The following PLEKHH2 variants were observed in gnomAD, a reference collection of about 807,000 sequenced individuals.
PLEKHH2 encodes the protein pleckstrin homology domain-containing family H member 2.
Under a neutral mutation model 187.9 loss-of-function variants are expected in PLEKHH2, and 129 were observed. That is an observed-to-expected ratio of 0.69 (90% CI 0.59 to 0.79). The LOEUF (loss-of-function observed/expected upper bound fraction) is 0.79. Among genes scored for constraint, PLEKHH2 ranks in the 30% least tolerant of loss-of-function variants. PLEKHH2 has a pLI of 0.00. For synonymous variants in PLEKHH2, 686 were observed against 605.6 expected (o/e 1.13, Z -1.95); for missense variants, 2,076 against 1,751.2 (o/e 1.19, Z -3.31).
At chr2:43,680,690 A>G (rs1668127237) in intron 3 of PLEKHH2, 2 of 393,154 alleles carry the variant, frequency 5.1e-6, no homozygotes, top group African/African-American at 4.3e-5. Flanking sequence ...TCAAAATTGA[A>G]GTCAAGTAAG....
intron 4 of PLEKHH2, 137 bp from the exon 5 acceptor site, chr2:43,694,294 C>T: frequency 9.8e-7 from 1 of 1,015,516 alleles, no homozygotes. Context: ...CTTTTAAAAA[C>T]CTATTTGGTA....
At chr2:43,670,037 G>A (rs573874144) in intron 2 of PLEKHH2, among the ~76,000 whole-genome samples, 4 of 152,230 alleles carry the variant, frequency 2.6e-5, no homozygotes, top group African/African-American at 7.2e-5. Context: ...ATAGTGGATC[G>A]TGTGGCTGAG....
intron 15 of PLEKHH2, among the ~76,000 whole-genome samples, chr2:43,713,611 C>A: frequency 6.7e-6 from 1 of 149,806 alleles, no homozygotes. Context: ...GGAAATATAC[C>A]AAAGTATATT....
At chr2:43,651,222 G>T (rs1243581893) in intron 2 of PLEKHH2, among the ~76,000 whole-genome samples, 1 of 151,488 alleles carries the variant, frequency 6.6e-6, no homozygotes, top group Non-Finnish European at 1.5e-5. Context: ...TATTCATTAT[G>T]CCTGCCTCAA....
At chr2:43,704,316 T>TG (rs938742588) in intron 9 of PLEKHH2, among the ~76,000 whole-genome samples, 3 of 152,170 alleles carry the variant, frequency 2.0e-5, no homozygotes, top group Non-Finnish European at 2.9e-5. Flanking sequence ...TCTAGAGGTC[T>TG]GTTTTACAAC....
At chr2:43,657,262 C>T (rs1015914721) in intron 2 of PLEKHH2, among the ~76,000 whole-genome samples, 3 of 152,112 alleles carry the variant, frequency 2.0e-5, no homozygotes, top group Non-Finnish European at 4.4e-5. Flanking sequence ...CTCCTGGCCT[C>T]CCATCTCAGC....
At chr2:43,752,439 C>T (rs941913322) in intron 24 of PLEKHH2, among the ~76,000 whole-genome samples, 2 of 152,112 alleles carry the variant, frequency 1.3e-5, no homozygotes, top group African/African-American at 4.8e-5. Flanking sequence ...AGTATACCCA[C>T]CCATGCTTGC....
chr2:43,765,529 A>G lies in PLEKHH2; in HGVS notation c.4413A>G (p.Gln1471=), dbSNP rs755581027. ...ALLSAQTRGP[Q]ARMMGSQPLL... is the part of the protein sequence containing the mutation. Reference sequence around the variant, plus strand: ...TCTCAGCCCAGACCCGGGGACCCCAAGCCAGAATGATGGGAAGCCAGCCTC... The same window carrying G: ...TCTCAGCCCAGACCCGGGGACCCCAGGCCAGAATGATGGGAAGCCAGCCTC... The change falls in exon 30 of 30, where the codon CAA becomes CAG. Residue 1471 remains glutamine (Q), a synonymous_variant. Coordinates refer to ENST00000282406, the MANE Select transcript of PLEKHH2 (RefSeq NM_172069.4). 6.2e-7 allele frequency: 1 copy of G among 1,614,040 alleles called. No individual in the cohort carries two copies. Among genetic ancestry groups the G allele is most frequent in the East Asian group, 2.2e-5 (1 of 44,874 alleles).
At chr2:43,676,938 G>A (rs917602713) in intron 2 of PLEKHH2, among the ~76,000 whole-genome samples, 1 of 152,064 alleles carries the variant, frequency 6.6e-6, no homozygotes, top group Non-Finnish European at 1.5e-5. Context: ...GGTCAAATAG[G>A]ACATTTGAAG....
chr2:43,699,606 T>C (rs769301185), intron 7 of PLEKHH2, 41 bp from the exon 8 acceptor site: 9 of 1,569,048 alleles, frequency 5.7e-6, no homozygotes, highest in Non-Finnish European at 6.9e-6. Context: ...AAAGATTATA[T>C]TCTTAAAGGC....
At chr2:43,676,408 G>A (rs1667793320) in intron 2 of PLEKHH2, 4 of 1,134,780 alleles carry the variant, frequency 3.5e-6, no homozygotes. Context: ...GCTGGCGGCT[G>A]CGCTCCCGGT....
At chr2:43,717,996 TTATGGGGAA>T (rs919168306) in intron 15 of PLEKHH2, among the ~76,000 whole-genome samples, 6 of 152,152 alleles carry the variant, frequency 3.9e-5, no homozygotes, top group Non-Finnish European at 8.8e-5. Flanking sequence ...AGGGATGGGC[TTATGGGGAA>T]GGAGAGAATA....
At chr2:43,652,309 A>T (rs972158370) in intron 2 of PLEKHH2, among the ~76,000 whole-genome samples, 20 of 151,926 alleles carry the variant, frequency 1.3e-4, no homozygotes, top group African/African-American at 4.6e-4. Flanking sequence ...CTTTCATGTC[A>T]CTCCGCCTCT....
chr2:43,671,773 A>G (rs1667510081), intron 2 of PLEKHH2, among the ~76,000 whole-genome samples: 1 of 152,196 alleles, frequency 6.6e-6, no homozygotes, highest in South Asian at 2.1e-4. Context: ...TCAAAAGTTA[A>G]AACAACCTTG....
At position 43,716,018 on chromosome 2, in the gene PLEKHH2, G is replaced by C. The variant is rs148895464; in HGVS notation, c.2460+3635G>C. 1.1e-3 allele frequency among the ~76,000 whole-genome samples: 172 copies of C among 152,284 alleles called. 1 individual carries two copies. The East Asian group carries it at 0.027, about 24-fold the overall frequency. On this transcript the variant is annotated intron_variant, in intron 15 of 29. Coordinates refer to ENST00000282406, the MANE Select transcript of PLEKHH2 (RefSeq NM_172069.4). Reference sequence around the variant, plus strand: ...ACTGATCTAGTGTCACATGTGCTCAGAGAAGAAGGTACGTTGCCTTCAGTG... The same window carrying C: ...ACTGATCTAGTGTCACATGTGCTCACAGAAGAAGGTACGTTGCCTTCAGTG...
intron 3 of PLEKHH2, among the ~76,000 whole-genome samples, chr2:43,683,506 T>G (rs1179109702): frequency 6.6e-6 from 1 of 152,118 alleles, no homozygotes; most frequent in Non-Finnish European, 1.5e-5. Flanking sequence ...ATACATTTCA[T>G]TTGATTCTTA....
At chr2:43,704,404 G>C (rs1371469362) in intron 9 of PLEKHH2, among the ~76,000 whole-genome samples, 1 of 152,026 alleles carries the variant, frequency 6.6e-6, no homozygotes, top group African/African-American at 2.4e-5. Context: ...GCTCGCGCCT[G>C]TTATCCCAGC....
chr2:43,675,589 G>C, intron 2 of PLEKHH2: 1 of 1,613,666 alleles, frequency 6.2e-7, no homozygotes, highest in Non-Finnish European at 8.5e-7. Flanking sequence ...GATTGGTTTT[G>C]TATTAAATAC....
At chr2:43,677,247 G>A (rs2104419274) in intron 2 of PLEKHH2, among the ~76,000 whole-genome samples, 1 of 151,744 alleles carries the variant, frequency 6.6e-6, no homozygotes, top group East Asian at 1.9e-4. Context: ...TTCTCGCAGA[G>A]GGGGATTTGG....
Sources: gnomAD v4.1 joint callset for allele counts (sites outside exome capture counted in the v4.1 genomes callset) on GRCh38, gnomAD v4.1.1 for gene constraint, MANE v1.5 for transcripts, NCBI Gene and HGNC (gene_info 2026-07-23, HGNC 2026-07-21) for gene names.